PDE4B: variants seen among roughly 807,000 people sequenced by gnomAD.
PDE4B encodes the protein phosphodiesterase 4B.
In PDE4B, 20 loss-of-function variants were observed where a neutral mutation model predicts 82.2. The ratio of observed to expected loss-of-function variants is 0.24; its 90% CI spans 0.17 to 0.35. The LOEUF (loss-of-function observed/expected upper bound fraction) is 0.35. Ranked by LOEUF, PDE4B falls within the 10% of genes least tolerant of loss-of-function variation. The pLI is 1.00. For missense variants in PDE4B, 655 were observed against 907.2 expected, an observed-to-expected ratio of 0.72 and a Z score of 3.57; for synonymous variants, 320 against 318.9, an observed-to-expected ratio of 1.00 and a Z score of -0.04.
chr1:65,885,857 TAATA>T (rs1557798032), intron 1 of PDE4B, among the ~76,000 whole-genome samples: 3 of 121,076 alleles, frequency 2.5e-5, no homozygotes, highest in African/African-American at 1.3e-4. Context: ...ACTTAACGTA[TAATA>T]ATAATAATAA....
chr1:65,993,145 A>G (rs753756801), intron 3 of PDE4B: 12 of 1,608,818 alleles, frequency 7.5e-6, no homozygotes, highest in Non-Finnish European at 1.0e-5. Context: ...CATACATGGT[A>G]AGATAAGACT....
At chr1:66,102,154 A>T (rs1393843475) in intron 3 of PDE4B, among the ~76,000 whole-genome samples, 1 of 152,024 alleles carries the variant, frequency 6.6e-6, no homozygotes, top group Non-Finnish European at 1.5e-5. Context: ...GATGTGTGGT[A>T]CTATTTCTGA....
intron 4 of PDE4B, among the ~76,000 whole-genome samples, chr1:66,254,391 G>A (rs1654028383): frequency 6.6e-6 from 1 of 152,174 alleles, no homozygotes; most frequent in Admixed American, 6.5e-5. Flanking sequence ...AACTGCTCCT[G>A]TCTTGATTAT....
intron 1 of PDE4B, 45 bp from the exon 2 acceptor site, chr1:65,913,200 A>C: frequency 1.3e-6 from 1 of 762,628 alleles, no homozygotes; most frequent in Non-Finnish European, 2.2e-6. Flanking sequence ...ATTTTTCTTT[A>C]AGGATACAGA....
intron 3 of PDE4B, among the ~76,000 whole-genome samples, chr1:66,102,006 T>A (rs1271584138): frequency 1.3e-5 from 2 of 152,186 alleles, no homozygotes; most frequent in African/African-American, 4.8e-5. Context: ...AATTAATTTT[T>A]GTATAAGGTG....
intron 1 of PDE4B, among the ~76,000 whole-genome samples, chr1:65,842,825 G>T (rs1407467491): frequency 6.6e-6 from 1 of 152,160 alleles, no homozygotes; most frequent in Non-Finnish European, 1.5e-5. Context: ...TGGTAATAGA[G>T]TTGCATGCAG....
intron 3 of PDE4B, among the ~76,000 whole-genome samples, chr1:66,059,379 C>T (rs1655468877): frequency 6.6e-6 from 1 of 152,204 alleles, no homozygotes; most frequent in Non-Finnish European, 1.5e-5. Context: ...TCCACATTTT[C>T]AGGTATCTTT....
intron 2 of PDE4B, among the ~76,000 whole-genome samples, chr1:65,916,743 T>C (rs746905488): frequency 2.6e-5 from 4 of 151,776 alleles, no homozygotes; most frequent in Non-Finnish European, 5.9e-5. Flanking sequence ...TTTACACACA[T>C]AGACACACAC....
intron 3 of PDE4B, chr1:65,992,583 G>T: frequency 4.1e-6 from 1 of 245,648 alleles, no homozygotes; most frequent in African/African-American, 2.3e-5. Context: ...TTCATGAGTT[G>T]ATATATTCAG....
chr1:65,834,781 T>G (rs957967324), intron 1 of PDE4B, among the ~76,000 whole-genome samples: 14 of 152,174 alleles, frequency 9.2e-5, no homozygotes, highest in African/African-American at 3.4e-4. Flanking sequence ...ACTTCCTGGG[T>G]TGTACTGGTA....
chr1:66,146,101 A>G (rs928472180), intron 3 of PDE4B, among the ~76,000 whole-genome samples: 37 of 151,048 alleles, frequency 2.4e-4, no homozygotes, highest in Admixed American at 2.4e-3. Flanking sequence ...TTCTGTTCAC[A>G]GCCTAATAGA....
intron 3 of PDE4B, among the ~76,000 whole-genome samples, chr1:66,122,350 C>T (rs1645727372): frequency 6.6e-6 from 1 of 152,124 alleles, no homozygotes; most frequent in East Asian, 1.9e-4. Context: ...TTTATCCTCA[C>T]TGAGTTTGGG....
chr1:66,323,965 A>G (rs1297522138), intron 7 of PDE4B, among the ~76,000 whole-genome samples: 2 of 152,208 alleles, frequency 1.3e-5, no homozygotes, highest in African/African-American at 4.8e-5. Context: ...CAATACAGGT[A>G]GATAATTAAG....
At chr1:65,897,572 G>A (rs1646925021) in intron 1 of PDE4B, among the ~76,000 whole-genome samples, 1 of 152,026 alleles carries the variant, frequency 6.6e-6, no homozygotes, top group Non-Finnish European at 1.5e-5. Flanking sequence ...ACTTGTAAGT[G>A]AGAGCGTGTG....
At position 66,163,632 on chromosome 1, in the gene PDE4B, A is replaced by G. The variant is rs149209415; in HGVS notation, c.282-83828A>G. ...TCCATAAGATATTGTCTAGAGACAC[A>G]TTTATTATAATATACCTTAACAAAA... is the stretch of plus-strand genomic sequence containing the variant. On this transcript the variant is annotated intron_variant, in intron 3 of 16. Coordinates refer to ENST00000341517, the MANE Select transcript of PDE4B (RefSeq NM_002600.4). Among the ~76,000 whole-genome samples the G allele has an allele frequency of 8.4e-3, 1,277 of 152,340 alleles. 30 individuals carry two copies. The highest frequency in any genetic ancestry group is 0.029 in the African/African-American group (1,200 of 41,572).
chr1:65,840,441 T>G (rs1273003713), intron 1 of PDE4B, among the ~76,000 whole-genome samples: 1 of 152,208 alleles, frequency 6.6e-6, no homozygotes, highest in Non-Finnish European at 1.5e-5. Context: ...TATCCTGATT[T>G]TTAATGAGTA....
chr1:65,807,831 G>A (rs1054206411), intron 1 of PDE4B, among the ~76,000 whole-genome samples: 1 of 152,194 alleles, frequency 6.6e-6, no homozygotes, highest in Non-Finnish European at 1.5e-5. Flanking sequence ...TGGCCCCTTG[G>A]TTGGTGTCAG....
intron 12 of PDE4B, among the ~76,000 whole-genome samples, chr1:66,365,219 T>C (rs891480662): frequency 6.6e-6 from 1 of 152,212 alleles, no homozygotes; most frequent in African/African-American, 2.4e-5. Context: ...AATTTATTGC[T>C]TATCTTATGA....
intron 7 of PDE4B, among the ~76,000 whole-genome samples, chr1:66,301,483 A>G (rs966227301): frequency 2.6e-5 from 4 of 152,102 alleles, no homozygotes; most frequent in African/African-American, 9.7e-5. Context: ...GAGAGGCTTA[A>G]TGACTTGCCA....
Sources: gnomAD v4.1 joint callset for allele counts (sites outside exome capture counted in the v4.1 genomes callset) on GRCh38, gnomAD v4.1.1 for gene constraint, MANE v1.5 for transcripts, NCBI Gene and HGNC (gene_info 2026-07-23, HGNC 2026-07-21) for gene names.